PCDHGA3: variants seen among roughly 807,000 people sequenced by gnomAD.
PCDHGA3 encodes the protein protocadherin gamma subfamily A, 3, also known as protocadherin gamma-A3.
Under a neutral mutation model 58.5 loss-of-function variants are expected in PCDHGA3, and 40 were observed. The ratio of observed to expected loss-of-function variants is 0.68; its 90% confidence interval spans 0.53 to 0.89. The LOEUF (loss-of-function observed/expected upper bound fraction) is 0.89. PCDHGA3 is among the 40% of genes least tolerant of loss of function. The probability of loss-of-function intolerance (pLI) is 0.00; values close to 1 mark genes in which losing one functional copy is unlikely to be tolerated. For synonymous variants in PCDHGA3, 530 were observed against 525.7 expected, an observed-to-expected ratio of 1.01 and a Z score of -0.11; for missense variants, 1,223 against 1,195.9, an observed-to-expected ratio of 1.02 and a Z score of -0.33.
chr5:141,382,175 C>G (rs1273619481), intron 1 of PCDHGA3, among the ~76,000 whole-genome samples: 3 of 152,028 alleles, frequency 2.0e-5, no homozygotes, highest in Non-Finnish European at 2.9e-5. Context: ...TAGACCGTCT[C>G]TAAGGTTCTA....
At chr5:141,423,800 T>A in intron 1 of PCDHGA3, 2 of 895,132 alleles carry the variant, frequency 2.2e-6, no homozygotes, top group Non-Finnish European at 2.9e-6. Flanking sequence ...TTTAGAGCAA[T>A]ACATGTGAGT....
chr5:141,394,321 C>G (rs11575959), intron 1 of PCDHGA3: 43,282 of 1,613,954 alleles, frequency 0.027, 850 homozygotes, highest in African/African-American at 0.092. Flanking sequence ...CCCCTGTCCT[C>G]GTATATCTCC....
chr5:141,389,124 C>T (rs2091613941), intron 1 of PCDHGA3: 2 of 1,613,878 alleles, frequency 1.2e-6, no homozygotes, highest in South Asian at 2.2e-5. Context: ...CGAGCAGAAT[C>T]CAGAGTACAA....
intron 1 of PCDHGA3, chr5:141,370,705 T>A: frequency 6.2e-7 from 1 of 1,613,842 alleles, no homozygotes; most frequent in Non-Finnish European, 8.5e-7. Context: ...ACGTGTGTTC[T>A]GGAATTTGAA....
chr5:141,476,476 C>A lies in PCDHGA3; in HGVS notation c.2425-18331C>A. On this transcript the variant is annotated intron_variant, in intron 1 of 3. Coordinates refer to ENST00000253812, the MANE Select transcript of PCDHGA3 (RefSeq NM_018916.4). The surrounding 1 kb of genome is among the most constrained non-coding windows in gnomAD (Gnocchi z 7.6). ...TGGAGAACCCGCTGGAGCTGTTCAG[C>A]GTGGAAGTGGTGATCCAGGACATCA... 6.2e-7 allele frequency: 1 copy of A among 1,613,986 alleles called. No individual in the cohort carries two copies. The highest frequency in any genetic ancestry group is 8.5e-7 in the Non-Finnish European group (1 of 1,179,992).
intron 1 of PCDHGA3, chr5:141,365,437 T>C (rs1763915264): frequency 6.2e-7 from 1 of 1,614,022 alleles, no homozygotes. Context: ...TCGCGCTGTT[T>C]AGCGTACATG....
At chr5:141,429,388 A>T (rs6890453) in intron 1 of PCDHGA3, among the ~76,000 whole-genome samples, 24,714 of 140,916 alleles carry the variant, frequency 0.18, 2,276 homozygotes, top group African/African-American at 0.28. Flanking sequence ...TTTTTTTTTT[A>T]AAAAAAATTG....
intron 1 of PCDHGA3, among the ~76,000 whole-genome samples, chr5:141,429,535 T>TG (rs1278730394): frequency 2.0e-5 from 3 of 152,168 alleles, no homozygotes; most frequent in Non-Finnish European, 4.4e-5. Flanking sequence ...CTTAAAAAAA[T>TG]AAGAACATGG....
chr5:141,396,698 A>G (rs1003976752), intron 1 of PCDHGA3: 8 of 152,182 alleles, frequency 5.3e-5, no homozygotes, highest in African/African-American at 1.9e-4. Context: ...ACCTTCTTGT[A>G]GCATTTGAAT....
rs767715715 is a variant in PCDHGA3 at position 141,352,019 on chromosome 5, G to T, written c.2424+5562G>T. 7.5e-5 allele frequency: 121 copies of T among 1,609,570 alleles called. No homozygotes were observed. The highest frequency in any genetic ancestry group is 9.8e-5 in the Non-Finnish European group (115 of 1,179,182). ...AGAGCCCGGCTACCTGGTGACCAAGGTGGTGGCGGTGGACGCAGACTCAGG... is the reference window on the plus strand; with the variant it reads ...AGAGCCCGGCTACCTGGTGACCAAGTTGGTGGCGGTGGACGCAGACTCAGG... On this transcript the variant is annotated intron_variant, in intron 1 of 3. Transcript: ENST00000253812.
intron 1 of PCDHGA3, chr5:141,478,585 T>A (rs1474599564): frequency 1.3e-5 from 20 of 1,576,728 alleles, no homozygotes; most frequent in Non-Finnish European, 1.7e-5. Flanking sequence ...TGTTAGTGCT[T>A]TTTTATTCCT....
chr5:141,490,549 C>T lies in PCDHGA3; in HGVS notation c.2425-4258C>T, dbSNP rs2099701539. ...TGCTGGTTCACCTTCCCTACACAAA[C>T]ATCTCACCATCAGGCTCAACATTTC... On this transcript the variant is annotated intron_variant, in intron 1 of 3. Transcript: ENST00000253812. The surrounding 1 kb of genome is among the most constrained non-coding windows in gnomAD (Gnocchi z 5.4). The T allele has an allele frequency of 1.9e-6, 3 of 1,614,178 alleles. No homozygotes were observed. The highest frequency in any genetic ancestry group is 1.7e-6 in the Non-Finnish European group (2 of 1,180,024).
At chr5:141,419,747 C>T (rs1322393151) in intron 1 of PCDHGA3, 3 of 1,613,840 alleles carry the variant, frequency 1.9e-6, no homozygotes, top group Admixed American at 1.7e-5. Context: ...GCGCATGGTG[C>T]GTGCTTTGGG....
intron 1 of PCDHGA3, chr5:141,422,645 T>C: frequency 6.2e-7 from 1 of 1,612,232 alleles, no homozygotes; most frequent in Non-Finnish European, 8.5e-7. Flanking sequence ...GCCTCCATCT[T>C]CTCAGTGACC....
At chr5:141,348,909 G>A (rs1479901562) in intron 1 of PCDHGA3, among the ~76,000 whole-genome samples, 3 of 152,124 alleles carry the variant, frequency 2.0e-5, no homozygotes, top group Admixed American at 2.0e-4. Flanking sequence ...TGAAATAAAG[G>A]GATTTGCTTT....
Position 141,351,043 on chromosome 5 carries a change from G to T in PCDHGA3, c.2424+4586G>T, listed in dbSNP as rs747483340. 4 of 1,614,084 alleles carry T rather than the reference G, an allele frequency of 2.5e-6. No individual in the cohort carries two copies. The South Asian group carries it at 4.4e-5, about 18-fold the overall frequency. On this transcript the variant is annotated intron_variant, in intron 1 of 3. Transcript: ENST00000253812. ...CGTGGGGAACCTCCGTGCTGCGGGT[G>T]ATGGCCACAGACCAGGATGAGGGCA...
At chr5:141,453,786 A>G (rs2098774297) in intron 1 of PCDHGA3, among the ~76,000 whole-genome samples, 1 of 152,252 alleles carries the variant, frequency 6.6e-6, no homozygotes, top group Non-Finnish European at 1.5e-5. Flanking sequence ...TTACCATGGT[A>G]TATTAACTTT....
chr5:141,404,973 A>T, intron 1 of PCDHGA3: 1 of 1,613,952 alleles, frequency 6.2e-7, no homozygotes, highest in South Asian at 1.1e-5. Flanking sequence ...ATCCTGGCTG[A>T]CCTGGGCAGT....
intron 1 of PCDHGA3, among the ~76,000 whole-genome samples, chr5:141,453,322 G>A (rs897661534): frequency 6.6e-6 from 1 of 151,544 alleles, no homozygotes; most frequent in Non-Finnish European, 1.5e-5. Flanking sequence ...TTTTAGAGAT[G>A]GGGTCTCACT....
Sources: gnomAD v4.1 joint callset for allele counts (sites outside exome capture counted in the v4.1 genomes callset) on GRCh38, gnomAD v4.1.1 for gene constraint, Gnocchi (gnomAD v3.1) non-coding constraint, MANE v1.5 for transcripts, NCBI Gene and HGNC (gene_info 2026-07-23, HGNC 2026-07-21) for gene names.